Variants in C1orf146 observed in about 807,000 individuals in gnomAD.
The protein encoded by C1orf146 is chromosome 1 open reading frame 146.
C1orf146 carries 22 observed loss-of-function variants against 23.0 expected under a neutral mutation model. The ratio of observed to expected loss-of-function variants is 0.96; its 90% CI spans 0.68 to 1.36. The LOEUF (loss-of-function observed/expected upper bound fraction) is 1.36, where lower values mean the gene tolerates loss of function less well. Ranked by LOEUF, C1orf146 falls within the 40% of genes most tolerant of loss-of-function variation. The pLI is 0.00. For missense variants in C1orf146, 199 were observed against 206.8 expected (o/e 0.96, Z 0.23); for synonymous variants, 59 against 65.3 (o/e 0.90, Z 0.47).
intron 2 of C1orf146, among the ~76,000 whole-genome samples, chr1:92,234,277 T>G (rs2100740269): frequency 6.6e-6 from 1 of 152,344 alleles, no homozygotes; most frequent in South Asian, 2.1e-4. Context: ...TATTTTGAGA[T>G]ACGTCCCATC....
intron 1 of C1orf146, among the ~76,000 whole-genome samples, chr1:92,222,595 T>G (rs1465993538): frequency 7.4e-5 from 11 of 149,402 alleles, no homozygotes; most frequent in Admixed American, 7.3e-4. Flanking sequence ...TTTTTTCTTT[T>G]TTTTTTTTTG....
At chr1:92,233,717 C>T (rs989533246) in intron 2 of C1orf146, among the ~76,000 whole-genome samples, 65 of 152,070 alleles carry the variant, frequency 4.3e-4, no homozygotes, top group Non-Finnish European at 5.0e-4. Context: ...GCCATTTTCC[C>T]GATATTGATT....
chr1:92,229,193 T>G, intron 1 of C1orf146: 1 of 538,866 alleles, frequency 1.9e-6, no homozygotes, highest in Non-Finnish European at 3.7e-6. Context: ...GGGCAGTGAT[T>G]GCCTTCTGCA....
chr1:92,245,259 C>T (rs572908529), intron 5 of C1orf146, among the ~76,000 whole-genome samples: 1 of 152,262 alleles, frequency 6.6e-6, no homozygotes, highest in South Asian at 2.1e-4. Context: ...CAGACACCTC[C>T]AACCCCCTAG....
chr1:92,222,535 G>GTTTTT, intron 1 of C1orf146, among the ~76,000 whole-genome samples: 3 of 60,580 alleles, frequency 5.0e-5, no homozygotes, highest in Non-Finnish European at 9.1e-5. Context: ...CCCTTCTTCG[G>GTTTTT]TTTTTTTTTT....
At chr1:92,224,011 AT>A (rs1275295349) in intron 1 of C1orf146, among the ~76,000 whole-genome samples, 5 of 138,186 alleles carry the variant, frequency 3.6e-5, no homozygotes, top group Non-Finnish European at 7.7e-5. Context: ...TTGTTGTTTT[AT>A]TTTATTTATT....
chr1:92,237,437 G>A (rs765322574), intron 2 of C1orf146, among the ~76,000 whole-genome samples: 10 of 152,162 alleles, frequency 6.6e-5, no homozygotes, highest in African/African-American at 2.4e-4. Context: ...TGTGAACCAC[G>A]AATGCTGCTG....
intron 3 of C1orf146, among the ~76,000 whole-genome samples, chr1:92,243,079 C>T (rs1175361935): frequency 1.3e-5 from 2 of 152,172 alleles, no homozygotes; most frequent in Admixed American, 6.5e-5. Flanking sequence ...GCCTTGGCTA[C>T]TTCATATACG....
At chr1:92,225,034 C>T (rs1338302962) in intron 1 of C1orf146, among the ~76,000 whole-genome samples, 4 of 152,100 alleles carry the variant, frequency 2.6e-5, no homozygotes, top group Admixed American at 2.6e-4. Context: ...AGCCACCGTG[C>T]CCGGCTTGTT....
intron 1 of C1orf146, chr1:92,229,532 C>T (rs1652057907): frequency 7.4e-6 from 3 of 404,148 alleles, no homozygotes; most frequent in Non-Finnish European, 9.7e-6. Flanking sequence ...GTTTGGCTAA[C>T]TTTTCTTGAT....
intron 1 of C1orf146, among the ~76,000 whole-genome samples, chr1:92,222,985 C>T (rs183823152): frequency 1.3e-4 from 20 of 152,100 alleles, no homozygotes; most frequent in African/African-American, 4.8e-4. Context: ...TAGAGTGACT[C>T]GGGTTATGTG....
At chr1:92,229,227 A>C (rs1421380246) in intron 1 of C1orf146, 4 of 552,390 alleles carry the variant, frequency 7.2e-6, no homozygotes, top group South Asian at 5.7e-5. Context: ...GTCTGGGTAC[A>C]TGGTGGTGCC....
intron 2 of C1orf146, 34 bp downstream of exon 2, chr1:92,231,520 TAAA>T: frequency 6.9e-7 from 1 of 1,446,798 alleles, no homozygotes. Flanking sequence ...ATCTTTAACT[TAAA>T]AAAATTAAAA....
At chr1:92,242,138 TTTAA>T (rs1371161507) in intron 2 of C1orf146, 70 bp from the exon 3 acceptor site, 33 of 725,436 alleles carry the variant, frequency 4.5e-5, no homozygotes, top group South Asian at 3.3e-4. Context: ...ATATTAAACT[TTTAA>T]TTTTTTCTTT....
intron 2 of C1orf146, among the ~76,000 whole-genome samples, chr1:92,239,344 T>C (rs1294749060): frequency 6.6e-6 from 1 of 152,222 alleles, no homozygotes; most frequent in Admixed American, 6.5e-5. Context: ...ATTGTAGAAA[T>C]AATTTGAAGC....
intron 1 of C1orf146, chr1:92,229,228 T>C (rs1652044276): frequency 3.6e-6 from 2 of 552,628 alleles, no homozygotes; most frequent in African/African-American, 3.8e-5. Flanking sequence ...TCTGGGTACA[T>C]GGTGGTGCCG....
At chr1:92,236,826 C>G (rs1028101227) in intron 2 of C1orf146, among the ~76,000 whole-genome samples, 7 of 152,120 alleles carry the variant, frequency 4.6e-5, no homozygotes, top group Non-Finnish European at 8.8e-5. Flanking sequence ...TCTTTTTTCT[C>G]TAAACTTCCC....
intron 1 of C1orf146, among the ~76,000 whole-genome samples, chr1:92,227,593 G>C (rs1361875318): frequency 2.0e-5 from 3 of 151,800 alleles, no homozygotes; most frequent in Non-Finnish European, 2.9e-5. Flanking sequence ...TTTAAGTGTG[G>C]GTCTACTGAT....
At chr1:92,231,339 A>G (rs994620610) in intron 1 of C1orf146, 43 bp from the exon 2 acceptor site, 8 of 904,554 alleles carry the variant, frequency 8.8e-6, no homozygotes, top group Non-Finnish European at 1.4e-5. Context: ...TTACTCATTC[A>G]TCAGATATTT....
Sources: gnomAD v4.1 joint callset for allele counts (sites outside exome capture counted in the v4.1 genomes callset) on GRCh38, gnomAD v4.1.1 for gene constraint, MANE v1.5 for transcripts, NCBI Gene and HGNC (gene_info 2026-07-23, HGNC 2026-07-21) for gene names.